TANC1: variants seen among roughly 807,000 people sequenced by gnomAD.
The protein encoded by TANC1 is protein TANC1.
Under a neutral mutation model 149.7 loss-of-function variants are expected in TANC1, and 77 were observed. The observed-to-expected ratio is 0.51, with a 90% CI of 0.43 to 0.62. The LOEUF (loss-of-function observed/expected upper bound fraction) is 0.62. Among genes scored for constraint, TANC1 ranks in the 20% least tolerant of loss-of-function variants. The probability of loss-of-function intolerance (pLI) is 0.00; values close to 1 mark genes in which losing one functional copy is unlikely to be tolerated. For missense variants in TANC1, 1,985 were observed against 2,321.8 expected (o/e 0.85, Z 2.98); for synonymous variants, 854 against 925.0 (o/e 0.92, Z 1.39).
At chr2:159,054,140 CTT>C (rs1225835642) in intron 2 of TANC1, among the ~76,000 whole-genome samples, 1 of 152,166 alleles carries the variant, frequency 6.6e-6, no homozygotes, top group Non-Finnish European at 1.5e-5. Context: ...GCTGGTCTCT[CTT>C]CTTTTCAACT....
chr2:159,116,872 G>A (rs2048320337), intron 4 of TANC1, among the ~76,000 whole-genome samples: 1 of 152,176 alleles, frequency 6.6e-6, no homozygotes, highest in African/African-American at 2.4e-5. Context: ...AGCGCCCCAA[G>A]AGCTTAGTTA....
chr2:159,026,061 T>A (rs1367301019), intron 2 of TANC1, among the ~76,000 whole-genome samples: 1 of 152,168 alleles, frequency 6.6e-6, no homozygotes, highest in African/African-American at 2.4e-5. Context: ...AGCTTCCCAA[T>A]GGCTAGGACT....
At chr2:159,204,932 A>C (rs953972466) in intron 19 of TANC1, among the ~76,000 whole-genome samples, 2 of 152,192 alleles carry the variant, frequency 1.3e-5, no homozygotes, top group Non-Finnish European at 2.9e-5. Context: ...AAGCAATTCC[A>C]CTTGGCATGT....
intron 3 of TANC1, among the ~76,000 whole-genome samples, chr2:159,083,730 A>G (rs2044523528): frequency 6.6e-6 from 1 of 152,226 alleles, no homozygotes; most frequent in Non-Finnish European, 1.5e-5. Flanking sequence ...TGAAGTAAGT[A>G]ATTCACATTC....
Position 159,230,418 on chromosome 2 carries a change from C to T in TANC1, c.4992C>T (p.Gly1664=). The stretch of plus-strand genomic sequence containing the variant: ...ACCCAGCTTCCCTCACCAGCTCAGG[C>T]TCTTCTGGTTCTCCATCCAGCAGCA... ...VRHPASLTSS[G]SSGSPSSSIK... is the part of the protein sequence containing the mutation. The change falls in exon 27 of 27, where the codon GGC becomes GGT. Residue 1664 remains glycine, a synonymous_variant. Transcript: ENST00000263635. This position sits in a 1 kb window ranked among gnomAD's most constrained non-coding sequence, Gnocchi z 4.4. The T allele has an allele frequency of 6.2e-7, 1 of 1,614,178 alleles. No individual in the cohort carries two copies. Among genetic ancestry groups the T allele is most frequent in the South Asian group, 1.1e-5 (1 of 91,082 alleles).
intron 1 of TANC1, among the ~76,000 whole-genome samples, chr2:158,985,342 G>C (rs1230487813): frequency 1.3e-5 from 2 of 152,134 alleles, no homozygotes; most frequent in Admixed American, 1.3e-4. Flanking sequence ...GTGCCACCAT[G>C]GTTTTTAGAA....
At chr2:159,028,793 T>C (rs2039553263) in intron 2 of TANC1, among the ~76,000 whole-genome samples, 1 of 152,208 alleles carries the variant, frequency 6.6e-6, no homozygotes, top group African/African-American at 2.4e-5. Flanking sequence ...TGAGATAGGG[T>C]CTCTCACTCT....
chr2:159,057,686 A>G (rs2041954488), intron 2 of TANC1, among the ~76,000 whole-genome samples: 1 of 152,244 alleles, frequency 6.6e-6, no homozygotes, highest in African/African-American at 2.4e-5. Flanking sequence ...ATTGATGTTG[A>G]AATTGGAAAA....
chr2:159,065,717 G>A (rs1321650507), intron 2 of TANC1, among the ~76,000 whole-genome samples, 179 bp from the exon 3 acceptor site: 2 of 150,602 alleles, frequency 1.3e-5, no homozygotes, highest in Non-Finnish European at 2.9e-5. Context: ...CATTCCTTGT[G>A]TCTTCAGCAT....
At chr2:159,189,324 G>A (rs1255162222) in intron 16 of TANC1, among the ~76,000 whole-genome samples, 2 of 152,126 alleles carry the variant, frequency 1.3e-5, no homozygotes, top group Non-Finnish European at 2.9e-5. Context: ...CCCTCATCTC[G>A]GCATGAGGTG....
In TANC1 at chr2:159,170,505, T is replaced by A. The variant is rs772492584; in HGVS notation, c.1070-19T>A. 1 of 1,561,328 alleles carries A rather than the reference T, an allele frequency of 6.4e-7. No individual in the cohort carries two copies. The stretch of plus-strand genomic sequence containing the variant: ...AAAATTATGACATTTTTCTAAAATT[T>A]TTTTTTCTTCTTTTGAAGCACGATT... On this transcript the variant is annotated intron_variant, in intron 9 of 26. Transcript: ENST00000263635.
intron 4 of TANC1, among the ~76,000 whole-genome samples, chr2:159,129,297 C>T (rs1370140089): frequency 1.3e-5 from 2 of 152,106 alleles, no homozygotes; most frequent in Non-Finnish European, 2.9e-5. Flanking sequence ...TTATTTCTAC[C>T]ATCTCTTTTA....
chr2:159,117,061 C>G (rs1298074195), intron 4 of TANC1, among the ~76,000 whole-genome samples: 1 of 152,180 alleles, frequency 6.6e-6, no homozygotes, highest in Non-Finnish European at 1.5e-5. Flanking sequence ...TCCACCATAT[C>G]CTTCACATGA....
intron 2 of TANC1, among the ~76,000 whole-genome samples, chr2:159,034,198 A>G (rs553259541): frequency 1.3e-5 from 2 of 152,326 alleles, no homozygotes; most frequent in African/African-American, 4.8e-5. Flanking sequence ...TGAATGGCCT[A>G]ATCTGTCCCT....
chr2:159,088,670 CATT>C (rs1373980767), intron 3 of TANC1, among the ~76,000 whole-genome samples: 1 of 152,146 alleles, frequency 6.6e-6, no homozygotes, highest in African/African-American at 2.4e-5. Flanking sequence ...TTTCTTAAAA[CATT>C]ATGAGACTTT....
At position 159,149,247 on chromosome 2, in the gene TANC1, C is replaced by G. The variant is rs748897235; in HGVS notation, c.470C>G (p.Thr157Ser). Residue 157 changes from threonine to serine, a missense_variant, in exon 6 of 27, where the codon ACC (threonine) becomes AGC (serine). Physicochemically the swap from Thr to Ser is moderately conservative, Grantham distance 58 (BLOSUM62 1). Transcript: ENST00000263635. ...GEGIPSATHI[T>S]IEDKNETMCT... ...GGGATCCCAAGTGCCACACACATAACCATTGAAGACAAAAATGAAACCATG... is the reference window on the plus strand; with the variant it reads ...GGGATCCCAAGTGCCACACACATAAGCATTGAAGACAAAAATGAAACCATG... 6.2e-7 allele frequency: 1 copy of G among 1,614,146 alleles called. No individual in the cohort carries two copies. The highest frequency in any genetic ancestry group is 1.1e-5 in the South Asian group (1 of 91,070).
intron 3 of TANC1, among the ~76,000 whole-genome samples, chr2:159,073,515 C>CTT (rs2043350723): frequency 6.6e-6 from 1 of 152,200 alleles, no homozygotes; most frequent in Non-Finnish European, 1.5e-5. Flanking sequence ...AACAATGCTT[C>CTT]TTTACTTGAG....
At chr2:159,189,180 T>C (rs1159155722) in intron 16 of TANC1, among the ~76,000 whole-genome samples, 1 of 152,270 alleles carries the variant, frequency 6.6e-6, no homozygotes, top group African/African-American at 2.4e-5. Flanking sequence ...TGAATTGTTG[T>C]TAGTGCTTTG....
chr2:159,195,688 C>T (rs1303094324), intron 17 of TANC1, among the ~76,000 whole-genome samples: 2 of 152,010 alleles, frequency 1.3e-5, no homozygotes, highest in East Asian at 3.9e-4. Context: ...TGTGGCTAAG[C>T]CTTTGGGGTG....
Sources: allele counts gnomAD v4.1 joint callset (sites outside exome capture counted in the v4.1 genomes callset), GRCh38; gene constraint gnomAD v4.1.1; non-coding constraint Gnocchi (gnomAD v3.1); transcripts MANE v1.5; gene names NCBI Gene and HGNC (gene_info 2026-07-23, HGNC 2026-07-21).